Variants in CNTNAP2 observed in about 807,000 individuals in gnomAD.
CNTNAP2 encodes the protein contactin-associated protein-like 2.
CNTNAP2 carries 98 observed loss-of-function variants against 155.2 expected under a neutral mutation model. The ratio of observed to expected loss-of-function variants is 0.63; its 90% CI spans 0.54 to 0.75. The LOEUF (loss-of-function observed/expected upper bound fraction) is 0.75, where lower values mean the gene tolerates loss of function less well. Ranked by LOEUF, CNTNAP2 falls within the 30% of genes least tolerant of loss-of-function variation. The probability of loss-of-function intolerance (pLI) is 0.00; values close to 1 mark genes in which losing one functional copy is unlikely to be tolerated. For missense variants in CNTNAP2, 1,727 were observed against 1,688.1 expected (o/e 1.02, Z -0.40); for synonymous variants, 651 against 631.2 (o/e 1.03, Z -0.47).
chr7:146,225,241 A>AGT (rs1050499134), intron 1 of CNTNAP2, among the ~76,000 whole-genome samples: 14 of 152,362 alleles, frequency 9.2e-5, no homozygotes, highest in Middle Eastern at 3.4e-3. Context: ...AGTTTTTGAA[A>AGT]GTGAATTCAT....
intron 21 of CNTNAP2, among the ~76,000 whole-genome samples, chr7:148,272,155 T>C (rs1423482653): frequency 6.6e-6 from 1 of 152,214 alleles, no homozygotes; most frequent in Non-Finnish European, 1.5e-5. Context: ...AGTAGTGTGA[T>C]CACTGCCAAC....
chr7:147,647,163 CT>C (rs528571016), intron 13 of CNTNAP2, among the ~76,000 whole-genome samples: 2,111 of 146,748 alleles, frequency 0.014, 49 homozygotes, highest in African/African-American at 0.05. Context: ...AATTTTTTTT[CT>C]TTTTTTTTTG....
intron 3 of CNTNAP2, among the ~76,000 whole-genome samples, chr7:146,972,289 A>G (rs1388178762): frequency 1.3e-5 from 2 of 152,220 alleles, no homozygotes; most frequent in Non-Finnish European, 2.9e-5. Context: ...ATGTACATAT[A>G]CAGGTAGCCT....
chr7:147,047,362 C>G (rs1452618622), intron 4 of CNTNAP2, among the ~76,000 whole-genome samples: 2 of 149,728 alleles, frequency 1.3e-5, no homozygotes, highest in Non-Finnish European at 3.0e-5. Flanking sequence ...ACCTCATGAT[C>G]CGCCCACCTG....
chr7:147,438,659 G>T (rs1306729850), intron 10 of CNTNAP2, among the ~76,000 whole-genome samples: 1 of 151,822 alleles, frequency 6.6e-6, no homozygotes, highest in Non-Finnish European at 1.5e-5. Context: ...GTTTGAGTAG[G>T]ACTGCTACTA....
chr7:146,935,268 G>T (rs187939484), intron 3 of CNTNAP2, among the ~76,000 whole-genome samples: 109 of 152,286 alleles, frequency 7.2e-4, no homozygotes, highest in Non-Finnish European at 1.1e-3. Flanking sequence ...ATGAACAATA[G>T]AAATGAAAAG....
chr7:148,245,030 T>C (rs1190458983), intron 20 of CNTNAP2, among the ~76,000 whole-genome samples: 1 of 152,216 alleles, frequency 6.6e-6, no homozygotes, highest in Admixed American at 6.5e-5. Context: ...ATTGTACCTT[T>C]TGTATTTATA....
At chr7:148,299,749 A>G (rs1797349134) in intron 21 of CNTNAP2, among the ~76,000 whole-genome samples, 1 of 152,234 alleles carries the variant, frequency 6.6e-6, no homozygotes, top group African/African-American at 2.4e-5. Flanking sequence ...TGCTCTAGAA[A>G]TGCATAAAAT....
intron 13 of CNTNAP2, among the ~76,000 whole-genome samples, chr7:147,881,709 GC>G (rs1439827275): frequency 6.6e-6 from 1 of 152,164 alleles, no homozygotes; most frequent in African/African-American, 2.4e-5. Flanking sequence ...CGTGGCTCAC[GC>G]CTGTAATCCC....
intron 3 of CNTNAP2, among the ~76,000 whole-genome samples, chr7:146,937,455 G>A (rs548530948): frequency 9.6e-4 from 146 of 152,180 alleles, no homozygotes; most frequent in Middle Eastern, 3.4e-3. Context: ...AGTTTAAGTT[G>A]TTCTCACTAG....
chr7:147,440,202 T>G (rs1797614249), intron 10 of CNTNAP2, among the ~76,000 whole-genome samples: 1 of 152,076 alleles, frequency 6.6e-6, no homozygotes, highest in South Asian at 2.1e-4. Context: ...ATAATTTAGT[T>G]TCTTGTTTTT....
chr7:148,169,407 A>G (rs551870077), intron 17 of CNTNAP2, among the ~76,000 whole-genome samples: 1 of 152,368 alleles, frequency 6.6e-6, no homozygotes, highest in South Asian at 2.1e-4. Flanking sequence ...TTTAAAATGT[A>G]TATGCCCTTC....
At chr7:148,083,356 T>A (rs942944044) in intron 15 of CNTNAP2, among the ~76,000 whole-genome samples, 3 of 152,204 alleles carry the variant, frequency 2.0e-5, no homozygotes, top group African/African-American at 7.2e-5. Context: ...GCAGTGGGTT[T>A]CTTCTGACTC....
At chr7:147,541,528 C>G (rs1799639945) in intron 11 of CNTNAP2, among the ~76,000 whole-genome samples, 1 of 152,136 alleles carries the variant, frequency 6.6e-6, no homozygotes, top group Non-Finnish European at 1.5e-5. Flanking sequence ...TTCTCAAATT[C>G]TAAAATTCTG....
chr7:146,816,770 T>A (rs540987219), intron 2 of CNTNAP2, among the ~76,000 whole-genome samples: 1 of 152,286 alleles, frequency 6.6e-6, no homozygotes, highest in East Asian at 1.9e-4. Flanking sequence ...TGGGTCAACA[T>A]ACTAGCTGCT....
intron 15 of CNTNAP2, among the ~76,000 whole-genome samples, chr7:148,022,485 G>A (rs112522875): frequency 8.9e-4 from 57 of 64,192 alleles, no homozygotes; most frequent in Admixed American, 1.1e-3. Flanking sequence ...AAAAAAAAAA[G>A]AAAAGAAAAG....
intron 15 of CNTNAP2, among the ~76,000 whole-genome samples, chr7:147,990,742 A>T (rs527529310): frequency 6.6e-6 from 1 of 152,254 alleles, no homozygotes; most frequent in South Asian, 2.1e-4. Context: ...CTCTGTCAAG[A>T]ATTCCCTACT....
At chr7:146,175,878 A>G (rs1217839104) in intron 1 of CNTNAP2, among the ~76,000 whole-genome samples, 3 of 149,906 alleles carry the variant, frequency 2.0e-5, no homozygotes, top group South Asian at 4.2e-4. Flanking sequence ...TTCTTTTTCT[A>G]TTGTTGCATC....
At chr7:147,870,899 C>T (rs1467683483) in intron 13 of CNTNAP2, among the ~76,000 whole-genome samples, 1 of 152,032 alleles carries the variant, frequency 6.6e-6, no homozygotes, top group African/African-American at 2.4e-5. Context: ...GGGATCCTTT[C>T]AGAGTCCCTC....
Sources: gnomAD v4.1 joint callset for allele counts (sites outside exome capture counted in the v4.1 genomes callset) on GRCh38, gnomAD v4.1.1 for gene constraint, MANE v1.5 for transcripts, NCBI Gene and HGNC (gene_info 2026-07-23, HGNC 2026-07-21) for gene names.